PCDHGA2: variants seen among roughly 807,000 people sequenced by gnomAD.
PCDHGA2 encodes protocadherin gamma-A2.
Under a neutral mutation model 59.2 loss-of-function variants are expected in PCDHGA2, and 40 were observed. That is an observed-to-expected ratio of 0.68 (90% CI 0.52 to 0.88). PCDHGA2 has a LOEUF of 0.88. Among genes scored for constraint, PCDHGA2 ranks in the 40% least tolerant of loss-of-function variants. The probability of loss-of-function intolerance (pLI) is 0.00; values close to 1 mark genes in which losing one functional copy is unlikely to be tolerated. For synonymous variants in PCDHGA2, 560 were observed against 526.0 expected (o/e 1.06, Z -0.89); for missense variants, 1,226 against 1,204.0 (o/e 1.02, Z -0.27).
At chr5:141,360,442 G>A in intron 1 of PCDHGA2, 2 of 1,613,972 alleles carry the variant, frequency 1.2e-6, no homozygotes, top group African/African-American at 2.7e-5. Context: ...GCCTCTGTGT[G>A]TTCTGGATTT....
At chr5:141,437,761 C>G (rs1200327020) in intron 1 of PCDHGA2, among the ~76,000 whole-genome samples, 3 of 144,682 alleles carry the variant, frequency 2.1e-5, no homozygotes, top group Admixed American at 7.0e-5. Flanking sequence ...TTTTTTGAGA[C>G]AGAGTCTCAA....
At chr5:141,408,834 T>G in intron 1 of PCDHGA2, 1 of 1,613,696 alleles carries the variant, frequency 6.2e-7, no homozygotes, top group Non-Finnish European at 8.5e-7. Context: ...CATAGCTTGA[T>G]ATTGACTGCC....
intron 1 of PCDHGA2, among the ~76,000 whole-genome samples, chr5:141,401,908 T>C (rs942184637): frequency 1.3e-5 from 2 of 152,238 alleles, no homozygotes; most frequent in Admixed American, 1.3e-4. Flanking sequence ...CAAATTATTA[T>C]ATAAGTTTAA....
At chr5:141,473,501 G>A (rs1053399138) in intron 1 of PCDHGA2, among the ~76,000 whole-genome samples, 2 of 152,188 alleles carry the variant, frequency 1.3e-5, no homozygotes, top group South Asian at 4.1e-4. Context: ...GGTGTTCTGA[G>A]AGAGCATAAC....
At position 141,410,774 on chromosome 5, in the gene PCDHGA2, C is replaced by T; in HGVS notation, c.2424+69379C>T. 4 of 955,126 alleles carry T rather than the reference C, an allele frequency of 4.2e-6. No individual in the cohort carries two copies. The South Asian group carries it at 6.1e-5, about 15-fold the overall frequency. The allele number at this position is 955,126 out of a possible 1,614,324, so 59.2% of individuals were successfully genotyped here. ...AATGTTTTTTCAATTATAGTTTTCA[C>T]TATGTATTTGGTTCATAAGTTGCTC... On this transcript the variant is annotated intron_variant, in intron 1 of 3. Coordinates refer to ENST00000394576, the MANE Select transcript of PCDHGA2 (RefSeq NM_018915.4).
chr5:141,486,909 C>T lies in PCDHGA2; in HGVS notation c.2425-7898C>T, dbSNP rs759702188. ...CGGCCTGGTTCCTTATGTCCCCAAGCACTGCCTCCATCAGTTGGTGCTGGC... is the reference window on the plus strand; with the variant it reads ...CGGCCTGGTTCCTTATGTCCCCAAGTACTGCCTCCATCAGTTGGTGCTGGC... On this transcript the variant is annotated intron_variant, in intron 1 of 3. Transcript: ENST00000394576. This position sits in a 1 kb window ranked among gnomAD's most constrained non-coding sequence, Gnocchi z 5.0. 2 of 1,614,262 alleles carry T rather than the reference C, an allele frequency of 1.2e-6. No homozygotes were observed. Among genetic ancestry groups the T allele is most frequent in the Non-Finnish European group, 1.7e-6 (2 of 1,180,054 alleles).
chr5:141,422,136 AGTACGGGG>A (rs772818860), intron 1 of PCDHGA2: 9 of 1,588,992 alleles, frequency 5.7e-6, no homozygotes, highest in Non-Finnish European at 7.7e-6. Flanking sequence ...GAGAAGTTCA[AGTACGGGG>A]GTCTCTGGAT....
chr5:141,400,580 C>T (rs756569671), intron 1 of PCDHGA2: 2 of 1,610,388 alleles, frequency 1.2e-6, no homozygotes, highest in South Asian at 2.2e-5. Context: ...TCTGTATTTA[C>T]ATGAAACTAT....
chr5:141,487,293 C>T lies in PCDHGA2; in HGVS notation c.2425-7514C>T. ...GCAATTTGCTTTGTCTCCTTTGGCT[C>T]ATTCGTGGCACTACTCTCTAAGTGT... is the stretch of plus-strand genomic sequence containing the variant. On this transcript the variant is annotated intron_variant, in intron 1 of 3. Transcript: ENST00000394576. The surrounding 1 kb of genome is among the most constrained non-coding windows in gnomAD (Gnocchi z 5.0). 1 of 1,614,148 alleles carries T rather than the reference C, an allele frequency of 6.2e-7. No individual in the cohort carries two copies. Among genetic ancestry groups the T allele is most frequent in the Non-Finnish European group, 8.5e-7 (1 of 1,180,010 alleles).
chr5:141,422,871 G>A (rs769543752), intron 1 of PCDHGA2: 1 of 1,614,216 alleles, frequency 6.2e-7, no homozygotes, highest in Admixed American at 1.7e-5. Context: ...GCAACGTGTC[G>A]CTGAGCCTGT....
intron 1 of PCDHGA2, among the ~76,000 whole-genome samples, chr5:141,466,080 C>A (rs1186062704): frequency 6.6e-6 from 1 of 152,108 alleles, no homozygotes; most frequent in East Asian, 1.9e-4. Flanking sequence ...TGATATCATG[C>A]CACTGCACTC....
intron 1 of PCDHGA2, chr5:141,442,197 A>G (rs1267971703): frequency 1.3e-5 from 2 of 153,426 alleles, no homozygotes; most frequent in African/African-American, 4.8e-5. Context: ...ATTAATTTAT[A>G]TCTGGTGATT....
intron 1 of PCDHGA2, among the ~76,000 whole-genome samples, chr5:141,456,166 G>A (rs531975607): frequency 6.6e-6 from 1 of 152,148 alleles, no homozygotes; most frequent in African/African-American, 2.4e-5. Flanking sequence ...TAAAGTGCTG[G>A]GATTACAGAA....
At position 141,432,718 on chromosome 5, in the gene PCDHGA2, T is replaced by C; in HGVS notation, c.2425-62089T>C. ...CCGTCCAGGACCACGGCCAGCCCCC[T>C]CTCTCCGCCACTGTCACGCTCACCG... On this transcript the variant is annotated intron_variant, in intron 1 of 3. Coordinates refer to ENST00000394576, the MANE Select transcript of PCDHGA2 (RefSeq NM_018915.4). This position sits in a 1 kb window ranked among gnomAD's most constrained non-coding sequence, Gnocchi z 6.0. 1 of 1,613,476 alleles carries C rather than the reference T, an allele frequency of 6.2e-7. No homozygotes were observed. The highest frequency in any genetic ancestry group is 8.5e-7 in the Non-Finnish European group (1 of 1,179,862).
At chr5:141,451,762 T>C (rs2154563695) in intron 1 of PCDHGA2, among the ~76,000 whole-genome samples, 1 of 152,100 alleles carries the variant, frequency 6.6e-6, no homozygotes, top group African/African-American at 2.4e-5. Flanking sequence ...ATGCCTATAG[T>C]CCCAGCTACT....
intron 1 of PCDHGA2, chr5:141,475,820 C>G (rs890721743): frequency 1.1e-5 from 4 of 351,810 alleles, no homozygotes; most frequent in Non-Finnish European, 1.5e-5. Context: ...AAGTTCCTGG[C>G]GCTAGCGCGT....
chr5:141,388,356 C>T (rs756910714), intron 1 of PCDHGA2: 1 of 1,613,826 alleles, frequency 6.2e-7, no homozygotes. Flanking sequence ...AGGATCTGCC[C>T]ATGATGCGGA....
In PCDHGA2 at chr5:141,431,024, A is replaced by G; in HGVS notation, c.2425-63783A>G. ...CAGCGGCAGCTTGGTCACGGCGGGCAGGATAGACCGGGAGGAGCTCTGTAT... is the reference window on the plus strand; with the variant it reads ...CAGCGGCAGCTTGGTCACGGCGGGCGGGATAGACCGGGAGGAGCTCTGTAT... On this transcript the variant is annotated intron_variant, in intron 1 of 3. Transcript: ENST00000394576. The surrounding 1 kb of genome is among the most constrained non-coding windows in gnomAD (Gnocchi z 4.8). 2.5e-6 allele frequency: 4 copies of G among 1,614,024 alleles called. No homozygotes were observed. The highest frequency in any genetic ancestry group is 3.4e-6 in the Non-Finnish European group (4 of 1,179,926).
chr5:141,422,056 G>C lies in PCDHGA2; in HGVS notation c.2425-72751G>C, dbSNP rs1003977721. 1.2e-6 allele frequency: 2 copies of C among 1,611,816 alleles called. No individual in the cohort carries two copies. The highest frequency in any genetic ancestry group is 2.7e-5 in the African/African-American group (2 of 74,764). ...GGATCCAGACGAGGGAATCAACGGG[G>C]AAGTAATGTATTCATTTCGGAACAT... On this transcript the variant is annotated intron_variant, in intron 1 of 3. Transcript: ENST00000394576.
Sources: gnomAD v4.1 joint callset for allele counts (sites outside exome capture counted in the v4.1 genomes callset) on GRCh38, gnomAD v4.1.1 for gene constraint, Gnocchi (gnomAD v3.1) non-coding constraint, MANE v1.5 for transcripts, NCBI Gene and HGNC (gene_info 2026-07-23, HGNC 2026-07-21) for gene names.